Variants in ZYG11B observed in about 807,000 individuals in gnomAD.
The protein encoded by ZYG11B is protein zyg-11 homolog B.
ZYG11B carries 36 observed loss-of-function variants against 82.4 expected under a neutral mutation model. That is an observed-to-expected ratio of 0.44 (90% CI 0.33 to 0.58). The LOEUF is 0.58. Ranked by LOEUF, ZYG11B falls within the 20% of genes least tolerant of loss-of-function variation. The probability of loss-of-function intolerance (pLI) is 0.02; values close to 1 mark genes in which losing one functional copy is unlikely to be tolerated. For missense variants in ZYG11B, 552 were observed against 895.6 expected, an observed-to-expected ratio of 0.62 and a Z score of 4.90; for synonymous variants, 303 against 312.8, an observed-to-expected ratio of 0.97 and a Z score of 0.33.
At chr1:52,787,800 A>T (rs1301173572) in intron 5 of ZYG11B, among the ~76,000 whole-genome samples, 1 of 31,264 alleles carries the variant, frequency 3.2e-5, no homozygotes, top group East Asian at 4.3e-3. Flanking sequence ...AACTCAATTA[A>T]AAAAAAAAAA....
At chr1:52,769,299 A>C (rs954817237) in intron 2 of ZYG11B, among the ~76,000 whole-genome samples, 1 of 152,190 alleles carries the variant, frequency 6.6e-6, no homozygotes, top group Non-Finnish European at 1.5e-5. Flanking sequence ...TGTAATTTTA[A>C]ATTTACCGGT....
At chr1:52,804,082 G>C (rs1227851527) in intron 10 of ZYG11B, among the ~76,000 whole-genome samples, 1 of 151,566 alleles carries the variant, frequency 6.6e-6, no homozygotes, top group Non-Finnish European at 1.5e-5. Context: ...TCTACAAAAA[G>C]TGAAATAAGA....
At position 52,785,263 on chromosome 1, in the gene ZYG11B, G is replaced by A. The variant is rs369565636; in HGVS notation, c.1269+210G>A. On this transcript the variant is annotated intron_variant, in intron 5 of 13. Coordinates refer to ENST00000294353, the MANE Select transcript of ZYG11B (RefSeq NM_024646.3). ...CCATATATTGGGGGACATAATACAA[G>A]CCATACAAAACTCATCTTCCTCCTA... Among the ~76,000 whole-genome samples the A allele has an allele frequency of 1.8e-4, 28 of 152,208 alleles. No homozygotes were observed. In the East Asian group the frequency reaches 5.2e-3, roughly 28 times the overall value.
At position 52,771,477 on chromosome 1, in the gene ZYG11B, C is replaced by T. The variant is rs1290626963; in HGVS notation, c.654C>T (p.His218=). ...GACTCAAGTCTCTAACCATGCACCA[C>T]TTGAAATGTTTAAAAATGACAACTA... The part of the protein sequence containing the change: ...KDRLKSLTMH[H]LKCLKMTTTQ... The change falls in exon 3 of 14, where the codon CAC becomes CAT. Residue 218 remains histidine, a synonymous_variant. Transcript: ENST00000294353. The surrounding 1 kb of genome is among the most constrained non-coding windows in gnomAD (Gnocchi z 5.4). The T allele has an allele frequency of 6.2e-7, 1 of 1,613,372 alleles. No homozygotes were observed. The highest frequency in any genetic ancestry group is 8.5e-7 in the Non-Finnish European group (1 of 1,179,750).
At chr1:52,772,049 G>A (rs1412706) in intron 3 of ZYG11B, 357,847 of 687,408 alleles carry the variant, frequency 0.52, 102,675 homozygotes, top group East Asian at 0.97. Flanking sequence ...GGCAAGTCAC[G>A]TAGTAGGTCC....
At chr1:52,813,080 T>C (rs1645197373) in intron 10 of ZYG11B, among the ~76,000 whole-genome samples, 1 of 152,196 alleles carries the variant, frequency 6.6e-6, no homozygotes, top group African/African-American at 2.4e-5. Flanking sequence ...ACTTTGCTTA[T>C]TATAAGGTCT....
At chr1:52,748,901 C>CAA (rs34089388) in intron 1 of ZYG11B, among the ~76,000 whole-genome samples, 3 of 120,708 alleles carry the variant, frequency 2.5e-5, no homozygotes, top group Admixed American at 8.4e-5. Flanking sequence ...GCTTCCATCT[C>CAA]AAAAAAAAAA....
At chr1:52,808,392 A>G (rs1460347458) in intron 10 of ZYG11B, among the ~76,000 whole-genome samples, 1 of 152,196 alleles carries the variant, frequency 6.6e-6, no homozygotes, top group African/African-American at 2.4e-5. Context: ...ATTTAAGATT[A>G]GTAACAATTT....
At chr1:52,817,816 T>TATATATA (rs1160186535) in intron 13 of ZYG11B, among the ~76,000 whole-genome samples, 6 of 8,120 alleles carry the variant, frequency 7.4e-4, no homozygotes, top group African/African-American at 8.3e-4. Flanking sequence ...TATATATATA[T>TATATATA]TTTTTTTTTT....
At chr1:52,781,074 T>TA (rs1345145689) in intron 4 of ZYG11B, among the ~76,000 whole-genome samples, 3 of 152,060 alleles carry the variant, frequency 2.0e-5, no homozygotes, top group Admixed American at 2.0e-4. Flanking sequence ...AGGCCGAGTT[T>TA]ACAGTGAGCC....
intron 2 of ZYG11B, among the ~76,000 whole-genome samples, chr1:52,763,613 C>T (rs938285082): frequency 2.6e-5 from 4 of 152,104 alleles, no homozygotes; most frequent in Non-Finnish European, 4.4e-5. Context: ...AACCACCGCA[C>T]TCAGCCAGTA....
In ZYG11B at chr1:52,747,587, T is replaced by TTC. The variant is rs1553258135; in HGVS notation, c.31-8862_31-8861dup. Among the ~76,000 whole-genome samples, 324 of 152,188 alleles carry TTC rather than the reference T, an allele frequency of 2.1e-3. 4 individuals carry two copies. The highest frequency in any genetic ancestry group is 7.6e-3 in the African/African-American group (314 of 41,516). ...TTAATTTGAACTCACTCTTTTTTTTTTCTCTCTCTCGTAACAGGTAAAAAT... is the reference window on the plus strand; with the variant it reads ...TTAATTTGAACTCACTCTTTTTTTTTTCTCTCTCTCTCGTAACAGGTAAAAAT... On this transcript the variant is annotated intron_variant, in intron 1 of 13. Coordinates refer to ENST00000294353, the MANE Select transcript of ZYG11B (RefSeq NM_024646.3).
intron 1 of ZYG11B, among the ~76,000 whole-genome samples, chr1:52,741,680 T>C (rs1270159062): frequency 4.6e-5 from 7 of 152,228 alleles, no homozygotes; most frequent in Admixed American, 1.3e-4. Flanking sequence ...GGGGTTTTTT[T>C]CTATGCAGCT....
At chr1:52,818,343 G>A (rs929196478) in intron 13 of ZYG11B, among the ~76,000 whole-genome samples, 9 of 151,944 alleles carry the variant, frequency 5.9e-5, no homozygotes, top group African/African-American at 2.2e-4. Flanking sequence ...AGGTGTTGTG[G>A]TGTGCTCCTG....
At chr1:52,732,942 C>A (rs559903132) in intron 1 of ZYG11B, among the ~76,000 whole-genome samples, 1 of 152,102 alleles carries the variant, frequency 6.6e-6, no homozygotes, top group South Asian at 2.1e-4. Flanking sequence ...AGCCATTGCA[C>A]TCCAGCCTGG....
chr1:52,774,608 A>ATTTTT (rs1451033856), intron 3 of ZYG11B, among the ~76,000 whole-genome samples: 1 of 85,002 alleles, frequency 1.2e-5, no homozygotes, highest in African/African-American at 9.8e-5. Flanking sequence ...TGCCTGGCCT[A>ATTTTT]ATTTTTTTTT....
intron 1 of ZYG11B, among the ~76,000 whole-genome samples, chr1:52,730,842 TA>T (rs111735830): frequency 3.8e-3 from 456 of 119,190 alleles, no homozygotes; most frequent in Middle Eastern, 5.3e-3. Flanking sequence ...GAGACCTCAT[TA>T]AAAAAAAAAA....
At chr1:52,792,414 T>G (rs979497990) in intron 6 of ZYG11B, among the ~76,000 whole-genome samples, 1 of 152,180 alleles carries the variant, frequency 6.6e-6, no homozygotes, top group Admixed American at 6.6e-5. Flanking sequence ...ATGAAGCACT[T>G]ACTACTGCCA....
chr1:52,817,836 TTTTTTTTTTTTTTTTTTTTG>T (rs1645249033), intron 13 of ZYG11B, among the ~76,000 whole-genome samples: 2 of 27,974 alleles, frequency 7.1e-5, no homozygotes, highest in Non-Finnish European at 1.5e-4. Flanking sequence ...TTTTTTTTTT[TTTTTTTTTTTTTTTTTTTTG>T]AGATGGAGTC....
Sources: gnomAD v4.1 joint callset for allele counts (sites outside exome capture counted in the v4.1 genomes callset) on GRCh38, gnomAD v4.1.1 for gene constraint, Gnocchi (gnomAD v3.1) non-coding constraint, MANE v1.5 for transcripts, NCBI Gene and HGNC (gene_info 2026-07-23, HGNC 2026-07-21) for gene names.